VWF: variants seen among roughly 807,000 people sequenced by gnomAD.
VWF encodes von Willebrand factor.
In VWF, 176 loss-of-function variants were observed where a neutral mutation model predicts 308.6. That is an observed-to-expected ratio of 0.57 (90% confidence interval 0.50 to 0.65). VWF has a LOEUF of 0.65. VWF is among the 30% of genes least tolerant of loss of function. The pLI is 0.00. For synonymous variants in VWF, 1,385 were observed against 1,443.4 expected (o/e 0.96, Z 0.92); for missense variants, 3,146 against 3,648.2 (o/e 0.86, Z 3.55).
chr12:6,121,839 G>C (rs1485312598), intron 2 of VWF, among the ~76,000 whole-genome samples: 1 of 151,912 alleles, frequency 6.6e-6, no homozygotes, highest in Non-Finnish European at 1.5e-5. Flanking sequence ...GCTGAGGCAG[G>C]AGAATCACTT....
At chr12:6,012,254 G>A in intron 32 of VWF, 124 bp from the exon 33 acceptor site, 1 of 1,079,378 alleles carries the variant, frequency 9.3e-7, no homozygotes, top group South Asian at 1.3e-5. Context: ...AAAAGAATCT[G>A]AACAAGGTTA....
At chr12:5,969,970 G>C (rs1000163249) in intron 44 of VWF, among the ~76,000 whole-genome samples, 1 of 152,188 alleles carries the variant, frequency 6.6e-6, no homozygotes, top group Non-Finnish European at 1.5e-5. Context: ...ATGTCACTCC[G>C]AGTGCCCTCT....
At chr12:6,001,917 T>G (rs547497089) in intron 34 of VWF, among the ~76,000 whole-genome samples, 1 of 152,100 alleles carries the variant, frequency 6.6e-6, no homozygotes, top group African/African-American at 2.4e-5. Context: ...AAATTAAAAA[T>G]TTTTTAATTA....
At chr12:5,974,485 G>T (rs1943511052) in intron 43 of VWF, among the ~76,000 whole-genome samples, 1 of 152,160 alleles carries the variant, frequency 6.6e-6, no homozygotes, top group Admixed American at 6.5e-5. Context: ...CCCAGGACCT[G>T]CAGCTCCCCC....
chr12:6,013,710 C>T lies in VWF; in HGVS notation c.5456-65G>A, dbSNP rs750442859. ...GAAGGCTCAAAATGGACTGGCCTGA[C>T]GTTATATCCAGCATCTGAATACAGC... On this transcript the variant is annotated intron_variant, in intron 31 of 51. Transcript: ENST00000261405. 18 of 1,582,580 alleles carry T rather than the reference C, an allele frequency of 1.1e-5. No homozygotes were observed. In the East Asian group the frequency reaches 2.2e-4, roughly 20 times the overall value.
At chr12:6,069,559 C>G (rs1272251124) in intron 10 of VWF, among the ~76,000 whole-genome samples, 1 of 152,184 alleles carries the variant, frequency 6.6e-6, no homozygotes, top group Non-Finnish European at 1.5e-5. Context: ...GACAGCCCCA[C>G]TGCCTGCTGA....
chr12:6,001,902 T>C (rs1371369724), intron 34 of VWF, among the ~76,000 whole-genome samples: 1 of 152,156 alleles, frequency 6.6e-6, no homozygotes, highest in Non-Finnish European at 1.5e-5. Flanking sequence ...CGTCAGAGTA[T>C]AGTAAAATTA....
Position 6,019,093 on chromosome 12 carries a change from C to G in VWF, c.4325G>C (p.Ser1442Thr). 6.2e-7 allele frequency: 1 copy of G among 1,613,924 alleles called. No homozygotes were observed. Among genetic ancestry groups the G allele is most frequent in the South Asian group, 1.1e-5 (1 of 91,056 alleles). The stretch of plus-strand genomic sequence containing the variant: ...CCTTTGCTGCTCCAGCTCATCCACA[C>G]TGCTCAGCACGAAGGCCTTGTTCTC... ...APENKAFVLS[S>T]VDELEQQRDE... Residue 1442 changes from serine to threonine, a missense_variant, in exon 28 of 52, where the codon AGT (serine) becomes ACT (threonine). By Grantham distance (58) the Ser-to-Thr change is moderately conservative. Transcript: ENST00000261405. This position sits in a 1 kb window ranked among gnomAD's most constrained non-coding sequence, Gnocchi z 5.8.
chr12:6,110,257 G>A, intron 5 of VWF, 117 bp downstream of exon 5: 1 of 1,082,092 alleles, frequency 9.2e-7, no homozygotes, highest in Non-Finnish European at 1.4e-6. Context: ...AACATAAATT[G>A]AGGTGAGGTC....
intron 6 of VWF, among the ~76,000 whole-genome samples, chr12:6,090,978 G>A (rs993633316): frequency 2.0e-5 from 3 of 152,296 alleles, no homozygotes; most frequent in South Asian, 4.1e-4. Context: ...CTCCCCTCAC[G>A]TGCTAGAACT....
intron 14 of VWF, 104 bp downstream of exon 14, chr12:6,057,745 G>A: frequency 2.2e-6 from 3 of 1,355,098 alleles, no homozygotes; most frequent in South Asian, 1.5e-5. Context: ...CTCGCTCCCC[G>A]CCCCCGCCCT....
intron 15 of VWF, 141 bp from the exon 16 acceptor site, chr12:6,052,924 C>T: frequency 7.7e-7 from 1 of 1,303,730 alleles, no homozygotes; most frequent in Non-Finnish European, 1.0e-6. Context: ...GACTTGCTTG[C>T]AATTACAAGA....
chr12:5,962,840 C>T (rs1015032854), intron 47 of VWF, among the ~76,000 whole-genome samples: 7 of 152,158 alleles, frequency 4.6e-5, no homozygotes, highest in Non-Finnish European at 1.0e-4. Flanking sequence ...TGAGCCAGCA[C>T]GCCCGGCCAG....
chr12:5,993,682 C>CAT (rs1298970276), intron 37 of VWF, among the ~76,000 whole-genome samples, 180 bp downstream of exon 37: 4 of 147,616 alleles, frequency 2.7e-5, no homozygotes, highest in Non-Finnish European at 4.5e-5. Flanking sequence ...CACACATATA[C>CAT]ATATATGTAT....
chr12:6,034,597 G>T, intron 20 of VWF, 91 bp downstream of exon 20: 1 of 1,596,062 alleles, frequency 6.3e-7, no homozygotes, highest in Non-Finnish European at 8.6e-7. Context: ...AGTTGTTTCT[G>T]CAGACAGATC....
At chr12:5,980,852 G>C (rs1174885842) in intron 42 of VWF, among the ~76,000 whole-genome samples, 1 of 152,178 alleles carries the variant, frequency 6.6e-6, no homozygotes, top group African/African-American at 2.4e-5. Flanking sequence ...CTATAACTAT[G>C]CTCAGGTCTT....
At chr12:6,044,669 C>A (rs1383792880) in intron 17 of VWF, among the ~76,000 whole-genome samples, 3 of 152,174 alleles carry the variant, frequency 2.0e-5, no homozygotes, top group African/African-American at 7.2e-5. Context: ...TTGGTGGCAG[C>A]TCTTCTGACC....
chr12:5,964,222 A>ACATACATACATACATACATACATACATG (rs201413589), intron 47 of VWF, among the ~76,000 whole-genome samples: 4 of 116,676 alleles, frequency 3.4e-5, no homozygotes, highest in Non-Finnish European at 6.9e-5. Flanking sequence ...GTCTAAAAAT[A>ACATACATACATACATACATACATACATG]CATACATACA....
chr12:6,044,579 C>A (rs1181204681), intron 17 of VWF, 128 bp from the exon 18 acceptor site: 4 of 1,190,628 alleles, frequency 3.4e-6, no homozygotes, highest in Non-Finnish European at 4.8e-6. Context: ...CTCACGGGGA[C>A]CAGCAGCTGC....
Sources: allele counts gnomAD v4.1 joint callset (sites outside exome capture counted in the v4.1 genomes callset), GRCh38; gene constraint gnomAD v4.1.1; non-coding constraint Gnocchi (gnomAD v3.1); transcripts MANE v1.5; gene names NCBI Gene and HGNC (gene_info 2026-07-23, HGNC 2026-07-21).